The following MND1 variants were observed in gnomAD, a reference collection of about 807,000 sequenced individuals.
The protein encoded by MND1 is meiotic nuclear divisions 1.
MND1 carries 28 observed loss-of-function variants against 35.1 expected under a neutral mutation model. The ratio of observed to expected loss-of-function variants is 0.80; its 90% CI spans 0.59 to 1.09. The LOEUF (loss-of-function observed/expected upper bound fraction) is 1.09. Ranked by LOEUF, MND1 falls within the 50% of genes least tolerant of loss-of-function variation. The pLI is 0.00. For synonymous variants in MND1, 69 were observed against 70.5 expected, an observed-to-expected ratio of 0.98 and a Z score of 0.11; for missense variants, 213 against 239.6, an observed-to-expected ratio of 0.89 and a Z score of 0.73.
chr4:153,408,015 C>T (rs1477828404), intron 6 of MND1, among the ~76,000 whole-genome samples: 1 of 152,148 alleles, frequency 6.6e-6, no homozygotes, highest in Non-Finnish European at 1.5e-5. Context: ...GTGCCCCATA[C>T]CTGTAATCCC....
At chr4:153,395,922 T>C (rs764250006) in intron 5 of MND1, among the ~76,000 whole-genome samples, 5 of 152,168 alleles carry the variant, frequency 3.3e-5, no homozygotes, top group African/African-American at 7.2e-5. Context: ...ATGGAATATC[T>C]CTGTATTGCC....
At chr4:153,395,227 T>A (rs192596168) in intron 5 of MND1, among the ~76,000 whole-genome samples, 38 of 152,364 alleles carry the variant, frequency 2.5e-4, no homozygotes, top group Admixed American at 7.2e-4. Context: ...AGCTGTTCTA[T>A]TTCCTCTTCA....
intron 2 of MND1, among the ~76,000 whole-genome samples, chr4:153,350,728 A>T (rs983019353): frequency 2.6e-5 from 4 of 152,138 alleles, no homozygotes; most frequent in African/African-American, 9.7e-5. Flanking sequence ...ATGGCTTTAC[A>T]CTGTTACTGG....
At chr4:153,409,354 A>G (rs1387442271) in intron 7 of MND1, among the ~76,000 whole-genome samples, 1 of 142,046 alleles carries the variant, frequency 7.0e-6, no homozygotes, top group Non-Finnish European at 1.5e-5. Flanking sequence ...TGAAATCTTA[A>G]AGATTTATCA....
intron 4 of MND1, among the ~76,000 whole-genome samples, chr4:153,371,775 AG>A (rs1237725174): frequency 6.6e-6 from 1 of 152,034 alleles, no homozygotes; most frequent in Non-Finnish European, 1.5e-5. Flanking sequence ...AATTTCTTTC[AG>A]GAACTTTTCC....
At chr4:153,386,166 GTTTTGTT>G (rs959318672) in intron 4 of MND1, among the ~76,000 whole-genome samples, 102 of 151,824 alleles carry the variant, frequency 6.7e-4, no homozygotes, top group African/African-American at 2.0e-3. Context: ...ACATTGAAGT[GTTTTGTT>G]TTTTGTTTTT....
Position 153,399,889 on chromosome 4 carries a change from G to A in MND1, c.466+2556G>A, listed in dbSNP as rs866236562. Among the ~76,000 whole-genome samples, 1,031 of 123,736 alleles carry A rather than the reference G, an allele frequency of 8.3e-3. 14 individuals are homozygous for A. The highest frequency in any genetic ancestry group is 0.028 in the African/African-American group (961 of 34,278). 81.2% of individuals were successfully genotyped at this position (123,736 alleles called of 152,430 possible). ...CTGAAATTTTCTGTTTTTTCAGTGA[G>A]ATTTTTTTTTTTTTTTTTTTTTTTT... On this transcript the variant is annotated intron_variant, in intron 6 of 7. Transcript: ENST00000240488.
chr4:153,381,690 A>T (rs866492285), intron 4 of MND1: 10 of 27,448 alleles, frequency 3.6e-4, no homozygotes, highest in Non-Finnish European at 5.6e-4. Flanking sequence ...ATATATATAT[A>T]TATTTTTTTT....
At chr4:153,403,059 C>T (rs984670993) in intron 6 of MND1, among the ~76,000 whole-genome samples, 11 of 151,838 alleles carry the variant, frequency 7.2e-5, no homozygotes, top group South Asian at 4.2e-4. Context: ...TCACTTGAGC[C>T]GAGGAGATCA....
At chr4:153,385,942 T>C (rs1055113027) in intron 4 of MND1, among the ~76,000 whole-genome samples, 4 of 152,054 alleles carry the variant, frequency 2.6e-5, no homozygotes, top group African/African-American at 4.8e-5. Flanking sequence ...GAGAGTTGTT[T>C]CCCACAACCA....
At chr4:153,360,617 T>TAC (rs1030384599) in intron 4 of MND1, among the ~76,000 whole-genome samples, 1,554 of 148,800 alleles carry the variant, frequency 0.01, 22 homozygotes, top group African/African-American at 0.034. Context: ...TATATATATA[T>TAC]ACACATAAAA....
At chr4:153,389,968 A>G (rs1728975368) in intron 4 of MND1, among the ~76,000 whole-genome samples, 1 of 151,934 alleles carries the variant, frequency 6.6e-6, no homozygotes, top group East Asian at 1.9e-4. Flanking sequence ...CCCACCCCAG[A>G]TGTGCTATTC....
intron 4 of MND1, among the ~76,000 whole-genome samples, chr4:153,381,044 C>CGCCT (rs1561068059): frequency 1.2e-4 from 18 of 151,820 alleles, no homozygotes; most frequent in Non-Finnish European, 4.4e-5. Flanking sequence ...GGACTATAGG[C>CGCCT]GCCTGCCACC....
chr4:153,385,667 A>G (rs1328373503), intron 4 of MND1, among the ~76,000 whole-genome samples: 1 of 150,820 alleles, frequency 6.6e-6, no homozygotes, highest in Admixed American at 6.6e-5. Flanking sequence ...AGTGAGCCAC[A>G]ATCATGCCAC....
chr4:153,368,914 C>CT (rs1184344320), intron 4 of MND1, among the ~76,000 whole-genome samples: 1 of 152,220 alleles, frequency 6.6e-6, no homozygotes, highest in Non-Finnish European at 1.5e-5. Context: ...AACAGGGTGA[C>CT]TTTAAGAAAT....
At chr4:153,367,676 T>C (rs1287719274) in intron 4 of MND1, among the ~76,000 whole-genome samples, 1 of 152,216 alleles carries the variant, frequency 6.6e-6, no homozygotes, top group African/African-American at 2.4e-5. Context: ...TGTGGACATA[T>C]GTTTTCATTT....
rs73854672 is a variant in MND1 at position 153,355,620 on chromosome 4, G to A, written c.70-34G>A. 5,173 of 1,359,092 alleles carry A rather than the reference G, an allele frequency of 3.8e-3. 127 individuals carry two copies. In the African/African-American group the frequency reaches 0.059, roughly 15 times the overall value. The allele number at this position is 1,359,092 out of a possible 1,614,324, so 84.2% of individuals were successfully genotyped here. On this transcript the variant is annotated intron_variant, in intron 2 of 7. Coordinates refer to ENST00000240488, the MANE Select transcript of MND1 (RefSeq NM_032117.4). ...AATATACATAGTAGAAAATAAACAC[G>A]TGCTTTTCATTTTCTTTAAAACCCT...
chr4:153,387,949 T>G (rs192776210), intron 4 of MND1, among the ~76,000 whole-genome samples: 38 of 152,294 alleles, frequency 2.5e-4, no homozygotes, highest in African/African-American at 6.7e-4. Flanking sequence ...CTTTCCCATC[T>G]GTGACCGTCT....
intron 4 of MND1, among the ~76,000 whole-genome samples, chr4:153,374,287 T>A (rs1479576805): frequency 6.6e-6 from 1 of 152,116 alleles, no homozygotes; most frequent in African/African-American, 2.4e-5. Flanking sequence ...TGTAAAACAT[T>A]TTACCAGATA....
Sources: allele counts gnomAD v4.1 joint callset (sites outside exome capture counted in the v4.1 genomes callset), GRCh38; gene constraint gnomAD v4.1.1; transcripts MANE v1.5; gene names NCBI Gene and HGNC (gene_info 2026-07-23, HGNC 2026-07-21).